FAM13A: variants seen among roughly 807,000 people sequenced by gnomAD.
FAM13A encodes the protein family with sequence similarity 13 member A.
A neutral mutation model predicts 129.6 loss-of-function variants in FAM13A; 76 were observed. The ratio of observed to expected loss-of-function variants is 0.59; its 90% confidence interval spans 0.49 to 0.71. The LOEUF is 0.71. Ranked by LOEUF, FAM13A falls within the 30% of genes least tolerant of loss-of-function variation. The pLI is 0.00. For synonymous variants in FAM13A, 443 were observed against 449.9 expected (o/e 0.98, Z 0.20); for missense variants, 1,108 against 1,249.3 (o/e 0.89, Z 1.70).
chr4:88,747,952 C>G, intron 17 of FAM13A, 101 bp from the exon 18 acceptor site: 1 of 795,138 alleles, frequency 1.3e-6, no homozygotes, highest in Non-Finnish European at 2.0e-6. Flanking sequence ...TGCAGTGGCA[C>G]GATCTCGGCT....
At chr4:88,927,951 T>G (rs180759759) in intron 5 of FAM13A, among the ~76,000 whole-genome samples, 18 of 152,176 alleles carry the variant, frequency 1.2e-4, no homozygotes, top group African/African-American at 4.1e-4. Flanking sequence ...TGAAGTTAGG[T>G]TGTTAATTTT....
At chr4:88,746,525 C>A (rs1467832740) in intron 19 of FAM13A, among the ~76,000 whole-genome samples, 3 of 152,162 alleles carry the variant, frequency 2.0e-5, no homozygotes, top group Non-Finnish European at 4.4e-5. Flanking sequence ...AGTTTCACAC[C>A]TTTCATTTTA....
At chr4:88,732,299 T>C (rs1738003472) in intron 21 of FAM13A, 101 bp from the exon 22 acceptor site, 2 of 799,204 alleles carry the variant, frequency 2.5e-6, no homozygotes, top group African/African-American at 1.7e-5. Flanking sequence ...AGACTCCATA[T>C]AGTTTCTTCT....
At position 88,774,940 on chromosome 4, in the gene FAM13A, T is replaced by C. The variant is rs548149622; in HGVS notation, c.1458+6225A>G. On this transcript the variant is annotated intron_variant, in intron 11 of 23. Coordinates refer to ENST00000264344, the MANE Select transcript of FAM13A (RefSeq NM_014883.4). The stretch of plus-strand genomic sequence containing the variant: ...GAGTTTGGTTTCAACATGTTGACTT[T>C]AAAGTATTCTCTGGGGTGAACTGCA... Among the ~76,000 whole-genome samples, 6 of 152,130 alleles carry C rather than the reference T, an allele frequency of 3.9e-5. No homozygotes were observed. The East Asian group carries it at 5.8e-4, about 15-fold the overall frequency.
Position 89,004,681 on chromosome 4 carries a change from T to G in FAM13A, c.428-13531A>C, listed in dbSNP as rs557712867. Among the ~76,000 whole-genome samples the G allele has an allele frequency of 1.9e-4, 29 of 152,238 alleles. No homozygotes were observed. The East Asian group carries it at 4.1e-3, about 21-fold the overall frequency. ...AGGCTAAGGAGACCAATTTTAAGCT[T>G]AAAAGCAGAAAAAATGAGGAGAATC... is the stretch of plus-strand genomic sequence containing the variant. On this transcript the variant is annotated intron_variant, in intron 3 of 23. Transcript: ENST00000264344.
chr4:88,956,793 C>T (rs375929889), intron 4 of FAM13A, among the ~76,000 whole-genome samples: 5 of 152,180 alleles, frequency 3.3e-5, no homozygotes, highest in East Asian at 1.9e-4. Context: ...CCTCTCACAA[C>T]ACACCTTCTT....
chr4:89,051,777 G>T (rs1324510643), intron 1 of FAM13A, among the ~76,000 whole-genome samples: 1 of 152,106 alleles, frequency 6.6e-6, no homozygotes, highest in Non-Finnish European at 1.5e-5. Flanking sequence ...AAAGAAGAAA[G>T]GAATGGCAGG....
chr4:88,790,840 T>G (rs1724990278), intron 8 of FAM13A, among the ~76,000 whole-genome samples: 1 of 152,166 alleles, frequency 6.6e-6, no homozygotes, highest in Non-Finnish European at 1.5e-5. Context: ...TTTTTCTCCT[T>G]TTAAAAGTTG....
At chr4:88,994,690 A>C (rs1324747356) in intron 3 of FAM13A, among the ~76,000 whole-genome samples, 2 of 152,076 alleles carry the variant, frequency 1.3e-5, no homozygotes, top group Admixed American at 6.5e-5. Context: ...AAATACAAAA[A>C]TTAGCTGGGC....
At chr4:88,956,779 GCCT>G (rs888920593) in intron 4 of FAM13A, among the ~76,000 whole-genome samples, 91 of 152,244 alleles carry the variant, frequency 6.0e-4, no homozygotes, top group African/African-American at 2.0e-3. Context: ...TTAGCTTGTG[GCCT>G]CCTCTCACAA....
At position 88,998,803 on chromosome 4, in the gene FAM13A, C is replaced by T. The variant is rs1253185791; in HGVS notation, c.428-7653G>A. 5.9e-5 allele frequency among the ~76,000 whole-genome samples: 9 copies of T among 152,130 alleles called. 1 individual carries two copies. ...GCATTTCATTCCCCAAGACTGGAAT[C>T]ACTTCTTTGGAGTGATGAGAAGCTT... On this transcript the variant is annotated intron_variant, in intron 3 of 23. Transcript: ENST00000264344.
At chr4:88,969,126 C>G (rs1330688524) in intron 4 of FAM13A, among the ~76,000 whole-genome samples, 3 of 151,996 alleles carry the variant, frequency 2.0e-5, no homozygotes, top group Non-Finnish European at 1.5e-5. Context: ...CACAAAAAAA[C>G]AAAATCTCAC....
Position 88,790,041 on chromosome 4 carries a change from C to T in FAM13A, c.1091+545G>A, listed in dbSNP as rs905704359. On this transcript the variant is annotated intron_variant, in intron 9 of 23. Transcript: ENST00000264344. The stretch of plus-strand genomic sequence containing the variant: ...TGTGATGACATAATTAAGAGAGTAC[C>T]GCCACTGCCCTGTGGACCAGGGACT... Among the ~76,000 whole-genome samples the T allele has an allele frequency of 3.3e-5, 5 of 152,010 alleles. No individual in the cohort carries two copies. The South Asian group carries it at 6.2e-4, about 19-fold the overall frequency.
At chr4:88,898,156 T>C (rs7668636) in intron 6 of FAM13A, among the ~76,000 whole-genome samples, 44,389 of 152,012 alleles carry the variant, frequency 0.29, 6,836 homozygotes, top group African/African-American at 0.39. Flanking sequence ...TTATGAGCAG[T>C]TTCAAGAGCA....
chr4:88,848,283 C>T (rs1737012478), intron 7 of FAM13A, among the ~76,000 whole-genome samples: 1 of 152,194 alleles, frequency 6.6e-6, no homozygotes, highest in Admixed American at 6.5e-5. Flanking sequence ...TTGTACAGCG[C>T]TCAAGCTGCG....
At chr4:89,017,019 A>T (rs550610389) in intron 3 of FAM13A, among the ~76,000 whole-genome samples, 1 of 152,334 alleles carries the variant, frequency 6.6e-6, no homozygotes. Flanking sequence ...CAGTACAGTA[A>T]CATGCTGTAT....
chr4:88,835,722 T>C (rs1357299447), intron 7 of FAM13A, among the ~76,000 whole-genome samples: 2 of 152,014 alleles, frequency 1.3e-5, no homozygotes, highest in Admixed American at 6.6e-5. Context: ...TAGTTCCCAA[T>C]AGGATTTGCA....
At chr4:89,044,896 A>C (rs1770640048) in intron 1 of FAM13A, among the ~76,000 whole-genome samples, 1 of 151,840 alleles carries the variant, frequency 6.6e-6, no homozygotes, top group South Asian at 2.1e-4. Flanking sequence ...AGAGGGAAGG[A>C]CAATGGCTAC....
intron 10 of FAM13A, among the ~76,000 whole-genome samples, chr4:88,782,668 C>T (rs1014094084): frequency 6.6e-6 from 1 of 151,798 alleles, no homozygotes; most frequent in Non-Finnish European, 1.5e-5. Context: ...AGTCTTTTTT[C>T]TACAACTTTA....
Sources: allele counts gnomAD v4.1 joint callset (sites outside exome capture counted in the v4.1 genomes callset), GRCh38; gene constraint gnomAD v4.1.1; transcripts MANE v1.5; gene names NCBI Gene and HGNC (gene_info 2026-07-23, HGNC 2026-07-21).